The following SH3KBP1 variants were observed in gnomAD, a reference collection of about 807,000 sequenced individuals.
SH3KBP1 encodes SH3 domain-containing kinase-binding protein 1.
A neutral mutation model predicts 50.1 loss-of-function variants in SH3KBP1; 8 were observed. The observed-to-expected ratio is 0.16, with a 90% CI of 0.09 to 0.29. SH3KBP1 has a LOEUF of 0.29. Among genes scored for constraint, SH3KBP1 ranks in the 10% least tolerant of loss-of-function variants. The pLI, the probability that SH3KBP1 is intolerant of heterozygous loss-of-function variation, is 1.00. For synonymous variants in SH3KBP1, 227 were observed against 218.6 expected (o/e 1.04, Z -0.34); for missense variants, 377 against 535.2 (o/e 0.70, Z 2.92).
chrX:19,635,772 C>T (rs965719192), intron 7 of SH3KBP1, among the ~76,000 whole-genome samples: 2 of 110,738 alleles, frequency 1.8e-5, no homozygotes, highest in African/African-American at 3.3e-5. Flanking sequence ...CCAACCACCC[C>T]CTCCTGTCCC....
intron 1 of SH3KBP1, among the ~76,000 whole-genome samples, chrX:19,861,986 CGCTTTTGCTTTGACT>C (rs1284974671): frequency 1.8e-5 from 2 of 112,124 alleles, no homozygotes; most frequent in East Asian, 5.6e-4. Context: ...TGCTCTTGAC[CGCTTTTGCTTTGACT>C]GGACCACTTC....
intron 13 of SH3KBP1, among the ~76,000 whole-genome samples, chrX:19,551,505 C>CTTATTA (rs1268642501): frequency 1.8e-5 from 2 of 108,397 alleles, no homozygotes; most frequent in African/African-American, 3.4e-5. Flanking sequence ...TTAAGAGAAC[C>CTTATTA]TTATTATTAT....
chrX:19,795,854 C>T (rs1445199165), intron 2 of SH3KBP1, among the ~76,000 whole-genome samples: 1 of 111,521 alleles, frequency 9.0e-6, no homozygotes, highest in Non-Finnish European at 1.9e-5. Flanking sequence ...ACAGCCGTAC[C>T]CTCATGCGCA....
At chrX:19,659,524 T>C (rs765957028) in intron 6 of SH3KBP1, among the ~76,000 whole-genome samples, 3 of 111,569 alleles carry the variant, frequency 2.7e-5, no homozygotes, top group Non-Finnish European at 3.8e-5. Context: ...CACCTCGGCC[T>C]CCCAAAGTGC....
chrX:19,781,598 A>T (rs1164702705), intron 2 of SH3KBP1, among the ~76,000 whole-genome samples: 1 of 107,091 alleles, frequency 9.3e-6, no homozygotes, highest in Non-Finnish European at 1.9e-5. Context: ...AGTCTGGGTG[A>T]CAGAGTGGGA....
intron 2 of SH3KBP1, chrX:19,747,584 G>A: frequency 2.9e-6 from 1 of 340,647 alleles, no homozygotes. Context: ...GAGGGCAGAG[G>A]CAGAAAGAAA....
intron 6 of SH3KBP1, among the ~76,000 whole-genome samples, chrX:19,673,897 A>G (rs941148277): frequency 1.8e-5 from 2 of 111,173 alleles, no homozygotes; most frequent in Admixed American, 9.5e-5. Context: ...CAACATACTC[A>G]TGCTCACTCC....
intron 2 of SH3KBP1, among the ~76,000 whole-genome samples, chrX:19,795,457 CCCTAATGTTT>C (rs1195044650): frequency 9.0e-6 from 1 of 111,606 alleles, no homozygotes; most frequent in Non-Finnish European, 1.9e-5. Flanking sequence ...AATTCTCACA[CCCTAATGTTT>C]CTGTACTCAA....
At chrX:19,769,018 G>A (rs976516027) in intron 2 of SH3KBP1, among the ~76,000 whole-genome samples, 1 of 108,568 alleles carries the variant, frequency 9.2e-6, no homozygotes, top group African/African-American at 3.4e-5. Flanking sequence ...TTAAGCAGAA[G>A]GAGGTTTTCA....
chrX:19,806,845 A>G (rs2067062995), intron 2 of SH3KBP1, among the ~76,000 whole-genome samples: 2 of 112,307 alleles, frequency 1.8e-5, no homozygotes, highest in Admixed American at 9.4e-5. Flanking sequence ...CGTGAATTTT[A>G]CAACTATGTT....
At chrX:19,585,219 A>C (rs919180591) in intron 12 of SH3KBP1, among the ~76,000 whole-genome samples, 85 of 111,403 alleles carry the variant, frequency 7.6e-4, no homozygotes, top group African/African-American at 2.7e-3. Context: ...AAATGTACTA[A>C]ATGTACTAAA....
Position 19,858,338 on chromosome X carries a change from T to C in SH3KBP1, c.5-22056A>G, listed in dbSNP as rs765586925. Among the ~76,000 whole-genome samples the C allele has an allele frequency of 1.0e-3, 113 of 110,466 alleles. 1 individual carries two copies. Among genetic ancestry groups the C allele is most frequent in the Non-Finnish European group, 1.7e-3 (88 of 52,710 alleles). Reference sequence around the variant, plus strand: ...CGTGCTTCACAAAAAAAATAAAATCTCACCAGGTGCAGTGGCTTACACCTG... The same window carrying C: ...CGTGCTTCACAAAAAAAATAAAATCCCACCAGGTGCAGTGGCTTACACCTG... On this transcript the variant is annotated intron_variant, in intron 1 of 17. Transcript: ENST00000397821.
chrX:19,626,625 T>C (rs2068029960), intron 8 of SH3KBP1, among the ~76,000 whole-genome samples: 2 of 110,304 alleles, frequency 1.8e-5, no homozygotes, highest in Admixed American at 9.6e-5. Context: ...CTGAGTGCAG[T>C]GGCACAATTA....
chrX:19,682,874 C>T (rs769667482), intron 6 of SH3KBP1, among the ~76,000 whole-genome samples: 2 of 101,246 alleles, frequency 2.0e-5, no homozygotes, highest in African/African-American at 3.6e-5. Flanking sequence ...GATGATGCAA[C>T]CTTTAAAATG....
intron 2 of SH3KBP1, among the ~76,000 whole-genome samples, chrX:19,762,573 CA>C (rs1259884129): frequency 1.8e-5 from 2 of 111,361 alleles, no homozygotes; most frequent in African/African-American, 6.5e-5. Context: ...CAGCACTACC[CA>C]CTTCCCAAGC....
At chrX:19,795,528 C>T (rs1464072120) in intron 2 of SH3KBP1, among the ~76,000 whole-genome samples, 3 of 111,533 alleles carry the variant, frequency 2.7e-5, no homozygotes, top group South Asian at 3.8e-4. Context: ...TCACATTTTA[C>T]GAGGCACATT....
chrX:19,735,289 G>A (rs773388464), intron 3 of SH3KBP1, among the ~76,000 whole-genome samples: 34 of 110,582 alleles, frequency 3.1e-4, no homozygotes, highest in Middle Eastern at 4.7e-3. Flanking sequence ...ATAGTTTTTC[G>A]ATTCTCTATT....
At chrX:19,649,614 A>G (rs1022227815) in intron 6 of SH3KBP1, among the ~76,000 whole-genome samples, 1 of 112,020 alleles carries the variant, frequency 8.9e-6, no homozygotes, top group African/African-American at 3.2e-5. Flanking sequence ...AACATTTAAT[A>G]ATGTAACTAC....
chrX:19,629,617 AG>A (rs2061532017), intron 8 of SH3KBP1, among the ~76,000 whole-genome samples: 1 of 110,662 alleles, frequency 9.0e-6, no homozygotes, highest in Non-Finnish European at 1.9e-5. Flanking sequence ...TCTGCAGGGC[AG>A]GAAGTGGCAG....
Sources: gnomAD v4.1 joint callset for allele counts (sites outside exome capture counted in the v4.1 genomes callset) on GRCh38, gnomAD v4.1.1 for gene constraint, MANE v1.5 for transcripts, NCBI Gene and HGNC (gene_info 2026-07-23, HGNC 2026-07-21) for gene names.